Variants in PCLO observed in about 807,000 individuals in gnomAD.
PCLO encodes the protein piccolo presynaptic cytomatrix protein, also known as protein piccolo.
Under a neutral mutation model 427.5 loss-of-function variants are expected in PCLO, and 82 were observed. That is an observed-to-expected ratio of 0.19 (90% confidence interval 0.16 to 0.23). The LOEUF (loss-of-function observed/expected upper bound fraction) is 0.23, where lower values mean the gene tolerates loss of function less well. PCLO is among the 10% of genes least tolerant of loss of function. The pLI, the probability that PCLO is intolerant of heterozygous loss-of-function variation, is 1.00. For synonymous variants in PCLO, 2,357 were observed against 2,155.4 expected (o/e 1.09, Z -2.59); for missense variants, 6,239 against 6,115.9 (o/e 1.02, Z -0.67).
chr7:82,921,734 A>G (rs1794599618), intron 6 of PCLO, among the ~76,000 whole-genome samples: 1 of 151,984 alleles, frequency 6.6e-6, no homozygotes, highest in South Asian at 2.1e-4. Flanking sequence ...TTAAGAACAA[A>G]AGTGGACAAG....
intron 3 of PCLO, among the ~76,000 whole-genome samples, chr7:83,022,611 TTGAA>T (rs1157103443): frequency 1.2e-4 from 18 of 152,324 alleles, no homozygotes; most frequent in African/African-American, 1.7e-4. Flanking sequence ...TAAATGTGGG[TTGAA>T]TGAATGAAAC....
In PCLO at chr7:82,953,436, C is replaced by T; in HGVS notation, c.7517G>A (p.Ser2506Asn). ...TGGTTTGGGGGCGATTGGAGGTTTG[C>T]TTGGCTCAGGCCTGTGGGTAAATAC... ...GLVFTHRPEP[S>N]KPPIAPKPVI... The change falls in exon 5 of 25, where the codon AGC (serine) becomes AAC (asparagine). Residue 2506 changes from serine to asparagine, a missense_variant. Around this residue, in one of 5 missense-constraint regions of PCLO, gnomAD observed 4,677 missense variants for 4,468.4 expected, o/e 1.05. Transcript: ENST00000333891. 1.2e-6 allele frequency: 2 copies of T among 1,613,418 alleles called. No homozygotes were observed. Among genetic ancestry groups the T allele is most frequent in the South Asian group, 1.1e-5 (1 of 91,036 alleles).
rs998408067 is a variant in PCLO at position 82,760,190 on chromosome 7, G to A, written c.15288+449C>T. On this transcript the variant is annotated intron_variant, in intron 24 of 24. Coordinates refer to ENST00000333891, the MANE Select transcript of PCLO (RefSeq NM_033026.6). ...GTCAATACAATTAAAACTCACTTTG[G>A]AGGACTCTGAATGATTCAAGATAAT... Among the ~76,000 whole-genome samples, 5 of 151,970 alleles carry A rather than the reference G, an allele frequency of 3.3e-5. No homozygotes were observed. In the East Asian group the frequency reaches 9.6e-4, roughly 29 times the overall value.
chr7:83,026,567 A>T (rs1382553542), intron 3 of PCLO, among the ~76,000 whole-genome samples: 2 of 150,592 alleles, frequency 1.3e-5, no homozygotes, highest in Non-Finnish European at 3.0e-5. Flanking sequence ...GTCAACAAGG[A>T]TACCCAGGAA....
chr7:82,887,584 A>G (rs1462592957), intron 9 of PCLO, among the ~76,000 whole-genome samples: 1 of 152,170 alleles, frequency 6.6e-6, no homozygotes, highest in East Asian at 1.9e-4. Context: ...CTATAATGTC[A>G]CTTCCTTAGC....
In PCLO at chr7:82,760,700, C is replaced by T. The variant is rs1210574620; in HGVS notation, c.15227G>A (p.Arg5076Gln). ...AAAAGTTTCATTAAACGAAGGCTCT[C>T]GATCATGTCTGCATACTCTTGTTTT... ...KKKTRVCRHD[R>Q]EPSFNETFRF... The change falls in exon 24 of 25, where the codon CGA (arginine) becomes CAA (glutamine). Residue 5076 changes from arginine to glutamine, a missense_variant. By Grantham distance (43) the Arg-to-Gln change is conservative. This residue lies in a region of PCLO where 877 missense variants were observed against 925.5 expected (regional missense o/e 0.95). Coordinates refer to ENST00000333891, the MANE Select transcript of PCLO (RefSeq NM_033026.6). 2.5e-6 allele frequency: 4 copies of T among 1,600,642 alleles called. No individual in the cohort carries two copies. Among genetic ancestry groups the T allele is most frequent in the Non-Finnish European group, 3.4e-6 (4 of 1,171,018 alleles).
intron 10 of PCLO, among the ~76,000 whole-genome samples, chr7:82,851,958 T>C (rs1171456275): frequency 1.3e-5 from 2 of 152,044 alleles, no homozygotes; most frequent in Admixed American, 6.6e-5. Context: ...TAAATTTATA[T>C]ATTTTTCATA....
chr7:82,980,365 A>G (rs983045507), intron 3 of PCLO, among the ~76,000 whole-genome samples: 22 of 152,254 alleles, frequency 1.4e-4, no homozygotes, highest in African/African-American at 5.1e-4. Flanking sequence ...AAGCTCCCGG[A>G]ACATATGAGA....
chr7:83,063,419 T>C (rs907331649), intron 3 of PCLO, among the ~76,000 whole-genome samples: 1 of 152,100 alleles, frequency 6.6e-6, no homozygotes, highest in African/African-American at 2.4e-5. Context: ...GCCATATGCA[T>C]TCAATAGAAG....
At chr7:83,052,008 G>A (rs1035877200) in intron 3 of PCLO, among the ~76,000 whole-genome samples, 1 of 151,906 alleles carries the variant, frequency 6.6e-6, no homozygotes, top group Admixed American at 6.6e-5. Flanking sequence ...TCTAGACTTA[G>A]ATCTTACACC....
chr7:82,901,756 G>C (rs1255092920), intron 9 of PCLO, among the ~76,000 whole-genome samples: 1 of 152,078 alleles, frequency 6.6e-6, no homozygotes, highest in Admixed American at 6.6e-5. Flanking sequence ...CCATCAAAAA[G>C]TGGGCAAAGG....
At chr7:82,997,897 G>C (rs557231618) in intron 3 of PCLO, among the ~76,000 whole-genome samples, 1 of 152,062 alleles carries the variant, frequency 6.6e-6, no homozygotes, top group African/African-American at 2.4e-5. Context: ...TAAAGATACT[G>C]GCTTCTGGTT....
chr7:82,758,501 A>G lies in PCLO; in HGVS notation c.*74T>C, dbSNP rs1790363379. ...TTTGCCTCTCAAAACTTAGCTTTGT[A>G]CAATAGTATTCAACTATAGTCTTGA... is the stretch of plus-strand genomic sequence containing the variant. On this transcript the variant is annotated 3_prime_UTR_variant, in exon 25 of 25. Coordinates refer to ENST00000333891, the MANE Select transcript of PCLO (RefSeq NM_033026.6). The G allele has an allele frequency of 3.1e-6, 4 of 1,309,418 alleles. No individual in the cohort carries two copies. Among genetic ancestry groups the G allele is most frequent in the South Asian group, 1.4e-5 (1 of 71,706 alleles). 81.1% of individuals were successfully genotyped at this position (1,309,418 alleles called of 1,614,324 possible).
intron 3 of PCLO, among the ~76,000 whole-genome samples, chr7:83,069,799 C>CCACA (rs68086847): frequency 0.14 from 10,386 of 75,422 alleles, 756 homozygotes; most frequent in African/African-American, 0.19. Flanking sequence ...ACCCCCCCGC[C>CCACA]CACACACACA....
intron 3 of PCLO, among the ~76,000 whole-genome samples, chr7:83,029,202 T>C (rs1306279834): frequency 4.7e-5 from 7 of 148,892 alleles, no homozygotes; most frequent in South Asian, 2.1e-4. Flanking sequence ...TTTTCGCAAC[T>C]TACTCATCTG....
chr7:82,933,629 C>A (rs1017161030), intron 6 of PCLO, among the ~76,000 whole-genome samples: 2 of 151,260 alleles, frequency 1.3e-5, no homozygotes, highest in Non-Finnish European at 2.9e-5. Context: ...ATAAAGGTTA[C>A]AAAACTGTGA....
At chr7:83,058,990 G>A (rs1282851178) in intron 3 of PCLO, among the ~76,000 whole-genome samples, 1 of 152,004 alleles carries the variant, frequency 6.6e-6, no homozygotes, top group East Asian at 1.9e-4. Context: ...AACTATAAAT[G>A]ATCTCAGATT....
At position 82,950,529 on chromosome 7, in the gene PCLO, T is replaced by C. The variant is rs922243627; in HGVS notation, c.10059A>G (p.Glu3353=). The change falls in exon 6 of 25, where the codon GAA becomes GAG. Residue 3353 remains glutamate, a synonymous_variant. Transcript: ENST00000333891. ...ALEGSQFWAT[E]DATTTASAVV... ...CAGCTGAAGCTGTGGTGGTTGCATC[T>C]TCAGTTGCCCAAAATTGACTGCCTT... 1.9e-6 allele frequency: 3 copies of C among 1,613,738 alleles called. No individual in the cohort carries two copies. Among genetic ancestry groups the C allele is most frequent in the African/African-American group, 2.7e-5 (2 of 74,880 alleles).
Position 82,809,617 on chromosome 7 carries a change from T to C in PCLO, c.14792-3788A>G, listed in dbSNP as rs549936148. Among the ~76,000 whole-genome samples, 14 of 149,898 alleles carry C rather than the reference T, an allele frequency of 9.3e-5. No individual in the cohort carries two copies. The South Asian group carries it at 2.7e-3, about 29-fold the overall frequency. ...AATGAATAAGTAATAATAATAATAA[T>C]ACATTAATACTTCTTTCCTTTAACC... On this transcript the variant is annotated intron_variant, in intron 20 of 24. Coordinates refer to ENST00000333891, the MANE Select transcript of PCLO (RefSeq NM_033026.6).
Sources: gnomAD v4.1 joint callset for allele counts (sites outside exome capture counted in the v4.1 genomes callset) on GRCh38, gnomAD v4.1.1 for gene constraint, gnomAD v4.1.1 regional missense constraint, MANE v1.5 for transcripts, NCBI Gene and HGNC (gene_info 2026-07-23, HGNC 2026-07-21) for gene names.